Variants in GALNT13 observed in about 807,000 individuals in gnomAD.
GALNT13 encodes the protein polypeptide N-acetylgalactosaminyltransferase 13, also known as UDP-GalNAc:polypeptide N-acetylgalactosaminyltransferase 13.
Under a neutral mutation model 64.2 loss-of-function variants are expected in GALNT13, and 28 were observed. That is an observed-to-expected ratio of 0.44 (90% CI 0.32 to 0.60). GALNT13 has a LOEUF of 0.60. GALNT13 is among the 20% of genes least tolerant of loss of function. The pLI, the probability that GALNT13 is intolerant of heterozygous loss-of-function variation, is 0.05. For missense variants in GALNT13, 577 were observed against 669.8 expected (o/e 0.86, Z 1.53); for synonymous variants, 214 against 224.6 (o/e 0.95, Z 0.42).
Position 153,944,379 on chromosome 2 carries a change from T to G in GALNT13, c.-104-15T>G. ...GTGTACAATTAATGAAATTTTCTTC[T>G]TTGTTTTAATGCAGTGGAATGTATC... On this transcript the variant is annotated splice_polypyrimidine_tract_variant and intron_variant, in intron 2 of 12. Transcript: ENST00000392825. 4.9e-6 allele frequency: 4 copies of G among 824,258 alleles called. No homozygotes were observed. The highest frequency in any genetic ancestry group is 7.5e-6 in the Non-Finnish European group (4 of 533,268). The allele number at this position is 824,258 out of a possible 1,614,324, so 51.1% of individuals were successfully genotyped here.
At chr2:154,156,267 A>C (rs1684416133) in intron 4 of GALNT13, among the ~76,000 whole-genome samples, 1 of 152,052 alleles carries the variant, frequency 6.6e-6, no homozygotes, top group African/African-American at 2.4e-5. Context: ...ATAAATTCTT[A>C]AGTAAAATTC....
chr2:153,948,061 C>T (rs1384457345), intron 3 of GALNT13, among the ~76,000 whole-genome samples: 1 of 151,984 alleles, frequency 6.6e-6, no homozygotes, highest in Non-Finnish European at 1.5e-5. Flanking sequence ...TGTACCAGTG[C>T]CATGCTGTTT....
the GALNT13 span, among the ~76,000 whole-genome samples, chr2:153,861,306 A>G: frequency 1.8e-4 from 27 of 152,286 alleles, no homozygotes; most frequent in African/African-American, 5.8e-4. Flanking sequence ...TACATACCCA[A>G]TGTCATATAG....
chr2:154,071,249 A>G (rs1401228371), intron 3 of GALNT13, among the ~76,000 whole-genome samples: 3 of 152,148 alleles, frequency 2.0e-5, no homozygotes, highest in Admixed American at 6.6e-5. Context: ...GAAAACTAGC[A>G]TAACTGACAT....
chr2:153,277,076 C>T, the GALNT13 span, among the ~76,000 whole-genome samples: 1 of 152,032 alleles, frequency 6.6e-6, no homozygotes, highest in African/African-American at 2.4e-5. Context: ...ATTTTTGATT[C>T]AAGAGGTACA....
the GALNT13 span, among the ~76,000 whole-genome samples, chr2:153,496,759 G>T: frequency 6.6e-6 from 1 of 152,024 alleles, no homozygotes; most frequent in East Asian, 1.9e-4. Context: ...TTCAAGGTGG[G>T]TGGATCATCT....
chr2:154,413,135 C>G (rs1699864160), intron 11 of GALNT13, among the ~76,000 whole-genome samples: 1 of 151,842 alleles, frequency 6.6e-6, no homozygotes, highest in Non-Finnish European at 1.5e-5. Flanking sequence ...TGTACAGCCC[C>G]AACCTCTCTC....
chr2:153,262,083 A>C, the GALNT13 span, among the ~76,000 whole-genome samples: 29 of 152,232 alleles, frequency 1.9e-4, 1 homozygote, highest in East Asian at 5.4e-3. Context: ...TCTAAGATGC[A>C]AGACCGAGTC....
rs539307288 is a variant in GALNT13, at chr2:154,022,975, G to A, written c.142+78336G>A. The stretch of plus-strand genomic sequence containing the variant: ...TTTACCCAGTTGTCATTCAGGAGCA[G>A]GTCGTTCAGATTCTATGTAGTTGAG... On this transcript the variant is annotated intron_variant, in intron 3 of 12. Coordinates refer to ENST00000392825, the MANE Select transcript of GALNT13 (RefSeq NM_052917.4). Among the ~76,000 whole-genome samples, 4 of 152,294 alleles carry A rather than the reference G, an allele frequency of 2.6e-5. No individual in the cohort carries two copies. The South Asian group carries it at 8.3e-4, about 32-fold the overall frequency.
intron 4 of GALNT13, among the ~76,000 whole-genome samples, chr2:154,151,686 G>T (rs1684035626): frequency 6.6e-6 from 1 of 152,192 alleles, no homozygotes; most frequent in Non-Finnish European, 1.5e-5. Flanking sequence ...ATTATGTAAT[G>T]TCCTTCTTTG....
chr2:153,536,544 C>T, the GALNT13 span, among the ~76,000 whole-genome samples: 3 of 151,948 alleles, frequency 2.0e-5, no homozygotes, highest in Non-Finnish European at 4.4e-5. Flanking sequence ...GAACCAGAAA[C>T]CAGGAGAGAG....
the GALNT13 span, among the ~76,000 whole-genome samples, chr2:153,630,799 ATATATATATTTT>A: frequency 0.039 from 625 of 15,898 alleles, no homozygotes; most frequent in Non-Finnish European, 0.056. Context: ...ATATATATAT[ATATATATATTTT>A]TTTTTTTTTT....
chr2:153,413,015 T>G, the GALNT13 span, among the ~76,000 whole-genome samples: 3 of 152,110 alleles, frequency 2.0e-5, no homozygotes, highest in Non-Finnish European at 4.4e-5. Context: ...CATGAGGTAT[T>G]ATACACAAAC....
chr2:154,107,099 G>A (rs1445578895), intron 3 of GALNT13, among the ~76,000 whole-genome samples: 2 of 151,696 alleles, frequency 1.3e-5, no homozygotes, highest in Non-Finnish European at 2.9e-5. Context: ...ACTCCCCTTT[G>A]CCTTCGACTT....
the GALNT13 span, among the ~76,000 whole-genome samples, chr2:153,585,685 C>T: frequency 2.8e-3 from 432 of 152,058 alleles, 8 homozygotes; most frequent in Admixed American, 0.023. Flanking sequence ...CAAGAGGAAA[C>T]TGCTCGGTCA....
chr2:153,993,581 C>T (rs1695306083), intron 3 of GALNT13, among the ~76,000 whole-genome samples: 2 of 150,654 alleles, frequency 1.3e-5, no homozygotes, highest in Admixed American at 1.3e-4. Flanking sequence ...CCTGTAGTCT[C>T]AGCTACTCGG....
chr2:154,125,301 C>T (rs1682194740), intron 3 of GALNT13, among the ~76,000 whole-genome samples: 1 of 151,942 alleles, frequency 6.6e-6, no homozygotes, highest in African/African-American at 2.4e-5. Flanking sequence ...TGAGGTAGAG[C>T]TATGGAATAT....
At chr2:153,336,905 G>A in the GALNT13 span, among the ~76,000 whole-genome samples, 11 of 152,232 alleles carry the variant, frequency 7.2e-5, no homozygotes, top group South Asian at 2.1e-4. Context: ...AGACTTTCCC[G>A]TGCTATTCTT....
At chr2:154,234,132 G>A (rs1293711137) in intron 4 of GALNT13, among the ~76,000 whole-genome samples, 1 of 151,848 alleles carries the variant, frequency 6.6e-6, no homozygotes, top group Non-Finnish European at 1.5e-5. Flanking sequence ...AAATTTTTTG[G>A]GAAATAGTGA....
Sources: gnomAD v4.1 joint callset for allele counts (sites outside exome capture counted in the v4.1 genomes callset) on GRCh38, gnomAD v4.1.1 for gene constraint, MANE v1.5 for transcripts, NCBI Gene and HGNC (gene_info 2026-07-23, HGNC 2026-07-21) for gene names.